HMGB1: variants seen among roughly 807,000 people sequenced by gnomAD.
HMGB1 encodes high mobility group protein B1.
For missense variants in HMGB1, 79 were observed against 253.5 expected, an observed-to-expected ratio of 0.31 and a Z score of 4.67; for synonymous variants, 81 against 84.0, an observed-to-expected ratio of 0.96 and a Z score of 0.19.
chr13:30,476,278 C>T (rs1215556170), intron 1 of HMGB1, among the ~76,000 whole-genome samples: 1 of 152,008 alleles, frequency 6.6e-6, no homozygotes, highest in Non-Finnish European at 1.5e-5. Context: ...AGTGGGATTA[C>T]AGGCGCAAGC....
chr13:30,604,327 C>T (rs117302314), intron 1 of HMGB1, among the ~76,000 whole-genome samples: 8 of 152,042 alleles, frequency 5.3e-5, no homozygotes, highest in Non-Finnish European at 7.4e-5. Flanking sequence ...AGCTGCATGG[C>T]GGTGAGAGGA....
intron 1 of HMGB1, among the ~76,000 whole-genome samples, chr13:30,606,909 C>T (rs1329141886): frequency 6.6e-6 from 1 of 152,228 alleles, no homozygotes; most frequent in Non-Finnish European, 1.5e-5. Flanking sequence ...ATGAATTCTG[C>T]ACTCCTGAAT....
At chr13:30,470,895 C>T (rs532432377), upstream of HMGB1, among the ~76,000 whole-genome samples, 6 of 152,060 alleles carry the variant, frequency 3.9e-5, no homozygotes, top group South Asian at 2.1e-4. Context: ...GTGATCCACC[C>T]GCCTCAGCCT....
chr13:30,607,363 C>T (rs115102818), intron 1 of HMGB1, among the ~76,000 whole-genome samples: 351 of 152,102 alleles, frequency 2.3e-3, no homozygotes, highest in African/African-American at 7.9e-3. Flanking sequence ...ATCATGGGGG[C>T]GGCCTTCCCC....
intron 1 of HMGB1, among the ~76,000 whole-genome samples, chr13:30,495,971 C>T (rs1469576729): frequency 6.6e-6 from 1 of 152,196 alleles, no homozygotes; most frequent in East Asian, 1.9e-4. Flanking sequence ...ATCATCTAGA[C>T]TCTACAACCA....
chr13:30,557,172 TA>T (rs1869726812), intron 1 of HMGB1, among the ~76,000 whole-genome samples: 1 of 152,230 alleles, frequency 6.6e-6, no homozygotes, highest in South Asian at 2.1e-4. Context: ...TAAATATATC[TA>T]AAATAATAAT....
intron 1 of HMGB1, among the ~76,000 whole-genome samples, chr13:30,585,571 G>T (rs757240089): frequency 6.6e-6 from 1 of 151,852 alleles, no homozygotes; most frequent in Non-Finnish European, 1.5e-5. Flanking sequence ...CCAGCTACTC[G>T]GGAGGCTGAG....
At chr13:30,545,948 C>G (rs1474311016) in intron 1 of HMGB1, among the ~76,000 whole-genome samples, 4 of 152,130 alleles carry the variant, frequency 2.6e-5, no homozygotes, top group African/African-American at 9.7e-5. Flanking sequence ...GCGAACCACC[C>G]ACCTCGGCCT....
chr13:30,532,457 T>C lies in HMGB1; in HGVS notation c.-14-68763A>G, dbSNP rs745382310. Among the ~76,000 whole-genome samples the C allele has an allele frequency of 4.6e-5, 7 of 152,206 alleles. No homozygotes were observed. The South Asian group carries it at 6.2e-4, about 14-fold the overall frequency. On this transcript the variant is annotated intron_variant, in intron 1 of 4. Coordinates refer to the HMGB1 transcript ENST00000405805. The stretch of plus-strand genomic sequence containing the variant: ...TACTTCATTCTTTTAAATAGCTCCA[T>C]AGTATTCCATTATATTGCTATGTCA...
intron 1 of HMGB1, among the ~76,000 whole-genome samples, chr13:30,502,035 A>AT (rs1887746205): frequency 6.6e-6 from 1 of 152,194 alleles, no homozygotes; most frequent in African/African-American, 2.4e-5. Flanking sequence ...CAGTGCTTGG[A>AT]TTTTTTAAGC....
At chr13:30,513,709 G>A (rs1222777533) in intron 1 of HMGB1, among the ~76,000 whole-genome samples, 1 of 152,122 alleles carries the variant, frequency 6.6e-6, no homozygotes, top group Non-Finnish European at 1.5e-5. Context: ...CCACTCTCTT[G>A]ATAACTAATC....
intron 1 of HMGB1, chr13:30,464,568 GC>G: frequency 1.0e-6 from 1 of 983,956 alleles, no homozygotes; most frequent in African/African-American, 1.8e-5. Context: ...CGCCCGGCAG[GC>G]CCTGCAGGCC....
At chr13:30,522,141 C>CT (rs1888254124) in intron 1 of HMGB1, among the ~76,000 whole-genome samples, 1 of 126,290 alleles carries the variant, frequency 7.9e-6, no homozygotes, top group Admixed American at 9.2e-5. Flanking sequence ...AAGACAAGGT[C>CT]TTGCTCTGTC....
chr13:30,473,411 G>A (rs754430083), intron 1 of HMGB1, among the ~76,000 whole-genome samples: 3 of 152,148 alleles, frequency 2.0e-5, no homozygotes, highest in Non-Finnish European at 4.4e-5. Flanking sequence ...ATGACGAGTG[G>A]AAAACGCAAT....
At chr13:30,465,025 G>T in intron 1 of HMGB1, 2 of 238,768 alleles carry the variant, frequency 8.4e-6, no homozygotes, top group Non-Finnish European at 1.1e-5. Context: ...CGCCGCCCCC[G>T]CACGGAGAAC....
intron 1 of HMGB1, among the ~76,000 whole-genome samples, chr13:30,516,427 C>G (rs1888103871): frequency 6.6e-6 from 1 of 152,122 alleles, no homozygotes; most frequent in Admixed American, 6.6e-5. Flanking sequence ...AATACCCATA[C>G]AGCAAAGTAA....
intron 1 of HMGB1, among the ~76,000 whole-genome samples, chr13:30,527,761 G>A (rs1023279208): frequency 6.6e-5 from 10 of 152,080 alleles, no homozygotes; most frequent in Non-Finnish European, 1.3e-4. Context: ...CCTGCTCCCA[G>A]AGAAGGGAAT....
intron 1 of HMGB1, among the ~76,000 whole-genome samples, chr13:30,498,846 C>A (rs1887672244): frequency 6.6e-6 from 1 of 151,706 alleles, no homozygotes; most frequent in Non-Finnish European, 1.5e-5. Context: ...CAGGGTTTCA[C>A]CATGTTGGCC....
At chr13:30,590,585 G>A (rs1024568732) in intron 1 of HMGB1, among the ~76,000 whole-genome samples, 1 of 152,230 alleles carries the variant, frequency 6.6e-6, no homozygotes, top group Non-Finnish European at 1.5e-5. Context: ...TCAGATGTGA[G>A]CAAAGAAATG....
Sources: gnomAD v4.1 joint callset for allele counts (sites outside exome capture counted in the v4.1 genomes callset) on GRCh38, gnomAD v4.1.1 for gene constraint, MANE v1.5 for transcripts, NCBI Gene and HGNC (gene_info 2026-07-23, HGNC 2026-07-21) for gene names.